GPC6: variants seen among roughly 807,000 people sequenced by gnomAD.
GPC6 encodes glypican-6.
Under a neutral mutation model 55.2 loss-of-function variants are expected in GPC6, and 14 were observed. The observed-to-expected ratio is 0.25, with a 90% CI of 0.17 to 0.40. The LOEUF (loss-of-function observed/expected upper bound fraction) is 0.40. GPC6 is among the 10% of genes least tolerant of loss of function. The probability of loss-of-function intolerance (pLI) is 1.00; values close to 1 mark genes in which losing one functional copy is unlikely to be tolerated. For missense variants in GPC6, 641 were observed against 708.5 expected (o/e 0.90, Z 1.08); for synonymous variants, 278 against 259.6 (o/e 1.07, Z -0.68).
chr13:93,401,030 T>A (rs182456498), intron 1 of GPC6, among the ~76,000 whole-genome samples: 1 of 152,182 alleles, frequency 6.6e-6, no homozygotes, highest in Non-Finnish European at 1.5e-5. Context: ...CTTTCCTCCT[T>A]GCTTTTTGTC....
chr13:93,473,944 G>A (rs888615508), intron 1 of GPC6, among the ~76,000 whole-genome samples: 1 of 152,052 alleles, frequency 6.6e-6, no homozygotes, highest in African/African-American at 2.4e-5. Flanking sequence ...GGGTATGTGG[G>A]GCAAAGAGAC....
At chr13:94,144,551 G>A (rs1055698162) in intron 4 of GPC6, among the ~76,000 whole-genome samples, 45 of 16,676 alleles carry the variant, frequency 2.7e-3, no homozygotes, top group Admixed American at 0.013. Flanking sequence ...GTGTGTATGT[G>A]TGTGTGTGTG....
intron 2 of GPC6, among the ~76,000 whole-genome samples, chr13:93,569,260 A>C (rs1391392099): frequency 6.6e-6 from 1 of 152,168 alleles, no homozygotes; most frequent in African/African-American, 2.4e-5. Flanking sequence ...ACAATAAAAA[A>C]GAGGGTTAAC....
intron 3 of GPC6, among the ~76,000 whole-genome samples, chr13:93,880,711 T>G (rs549556048): frequency 6.6e-6 from 1 of 152,060 alleles, no homozygotes; most frequent in East Asian, 1.9e-4. Context: ...ACTTAAAGTA[T>G]AATAATAAAA....
intron 2 of GPC6, among the ~76,000 whole-genome samples, chr13:93,710,876 CAAATTAT>C (rs1883033149): frequency 6.6e-6 from 1 of 151,612 alleles, no homozygotes; most frequent in East Asian, 2.0e-4. Context: ...TGAAGGTAGG[CAAATTAT>C]AAATTGTAAT....
At chr13:93,529,700 A>C (rs1881791618) in intron 1 of GPC6, among the ~76,000 whole-genome samples, 1 of 151,708 alleles carries the variant, frequency 6.6e-6, no homozygotes, top group African/African-American at 2.4e-5. Context: ...TATTTTTAGT[A>C]GAGACAGGTT....
At chr13:93,477,364 C>CAG (rs1879338856) in intron 1 of GPC6, among the ~76,000 whole-genome samples, 1 of 151,942 alleles carries the variant, frequency 6.6e-6, no homozygotes, top group South Asian at 2.1e-4. Context: ...AAGGAAGATC[C>CAG]CTCTTGACTT....
At chr13:93,363,287 C>T (rs181367712) in intron 1 of GPC6, among the ~76,000 whole-genome samples, 7,886 of 150,832 alleles carry the variant, frequency 0.052, 366 homozygotes, top group African/African-American at 0.12. Flanking sequence ...CTCCCTCCTC[C>T]CCCCACCCCA....
chr13:93,700,212 G>T (rs1197352267), intron 2 of GPC6, among the ~76,000 whole-genome samples: 1 of 152,008 alleles, frequency 6.6e-6, no homozygotes, highest in Non-Finnish European at 1.5e-5. Context: ...TTATACTGAG[G>T]ATTTATCCTA....
intron 3 of GPC6, among the ~76,000 whole-genome samples, chr13:93,947,023 G>A (rs2140368950): frequency 6.6e-6 from 1 of 152,268 alleles, no homozygotes; most frequent in Non-Finnish European, 1.5e-5. Flanking sequence ...TCAAAACTCA[G>A]CTTTTTAAGA....
intron 2 of GPC6, among the ~76,000 whole-genome samples, chr13:93,582,296 T>C (rs1460018817): frequency 6.6e-6 from 1 of 152,216 alleles, no homozygotes; most frequent in Non-Finnish European, 1.5e-5. Context: ...AGAGAGCCTA[T>C]GTCATGGAGT....
chr13:93,608,767 A>T (rs1162799368), intron 2 of GPC6, among the ~76,000 whole-genome samples: 3 of 152,180 alleles, frequency 2.0e-5, no homozygotes, highest in Non-Finnish European at 2.9e-5. Context: ...GTGTGAGAGG[A>T]TTATAAAGAA....
chr13:94,069,736 C>A (rs1008458878), intron 4 of GPC6, among the ~76,000 whole-genome samples: 1 of 152,322 alleles, frequency 6.6e-6, no homozygotes, highest in Admixed American at 6.5e-5. Context: ...TTTGCTAAAA[C>A]ATAACAAAAG....
At chr13:93,246,114 T>G (rs1477227482) in intron 1 of GPC6, among the ~76,000 whole-genome samples, 1 of 152,210 alleles carries the variant, frequency 6.6e-6, no homozygotes, top group Non-Finnish European at 1.5e-5. Flanking sequence ...GAGCTGTTTT[T>G]CCTATCCTAG....
chr13:94,133,464 A>G (rs1311794700), intron 4 of GPC6, among the ~76,000 whole-genome samples: 3 of 152,164 alleles, frequency 2.0e-5, no homozygotes, highest in Non-Finnish European at 4.4e-5. Context: ...CAGGGAATGT[A>G]TTCATTTTAT....
At chr13:93,431,577 A>G (rs1877359654) in intron 1 of GPC6, among the ~76,000 whole-genome samples, 1 of 152,142 alleles carries the variant, frequency 6.6e-6, no homozygotes, top group African/African-American at 2.4e-5. Flanking sequence ...TTAATTTTTT[A>G]AAAAGCACTT....
At chr13:93,730,458 A>G (rs1398371659) in intron 2 of GPC6, among the ~76,000 whole-genome samples, 2 of 152,196 alleles carry the variant, frequency 1.3e-5, no homozygotes, top group East Asian at 3.9e-4. Context: ...ATTGCATATT[A>G]GTTCCTGAAT....
In GPC6 at chr13:93,488,808, G is replaced by A. The variant is rs1486115457; in HGVS notation, c.161-56455G>A. ...TGTTCATATACTTTGCCCACTTTTT[G>A]ATGGGGTTGTTTGTTTTTTTCTTGT... On this transcript the variant is annotated intron_variant, in intron 1 of 8. Transcript: ENST00000377047. Among the ~76,000 whole-genome samples, 3 of 152,106 alleles carry A rather than the reference G, an allele frequency of 2.0e-5. No individual in the cohort carries two copies. In the East Asian group the frequency reaches 5.8e-4, roughly 29 times the overall value.
intron 3 of GPC6, among the ~76,000 whole-genome samples, chr13:93,960,821 T>C (rs1409341739): frequency 3.3e-5 from 5 of 149,656 alleles, no homozygotes; most frequent in East Asian, 1.9e-4. Context: ...TTTTCTTTTT[T>C]TTTTTTTTTG....
Sources: allele counts gnomAD v4.1 joint callset (sites outside exome capture counted in the v4.1 genomes callset), GRCh38; gene constraint gnomAD v4.1.1; transcripts MANE v1.5; gene names NCBI Gene and HGNC (gene_info 2026-07-23, HGNC 2026-07-21).